OR5AK2: variants seen among roughly 807,000 people sequenced by gnomAD.
OR5AK2 encodes olfactory receptor 5AK2.
For missense variants in OR5AK2, 438 were observed against 366.3 expected, an observed-to-expected ratio of 1.20 and a Z score of -1.60; for synonymous variants, 176 against 128.2, an observed-to-expected ratio of 1.37 and a Z score of -2.52.
chr11:56,989,651 C>T lies in OR5AK2; in HGVS notation c.738C>T (p.Thr246=), dbSNP rs139756815. 21 of 1,613,840 alleles carry T rather than the reference C, an allele frequency of 1.3e-5. No individual in the cohort carries two copies. The highest frequency in any genetic ancestry group is 4.4e-5 in the South Asian group (4 of 91,076). ...TCTCAACATGTGCTTCCCACCTGAC[C>T]GCAGTCACCATTTTCTATGGGACAC... ...KSFSTCASHL[T]AVTIFYGTLS... The change falls in exon 1 of 1, where the codon ACC becomes ACT. Residue 246 remains threonine (T), a synonymous_variant. Transcript: ENST00000326855.
rs758153363 is a variant in OR5AK2 at position 56,989,545 on chromosome 11, G to C, written c.632G>C (p.Gly211Ala). The C allele has an allele frequency of 1.2e-6, 2 of 1,614,048 alleles. No individual in the cohort carries two copies. The highest frequency in any genetic ancestry group is 1.7e-6 in the Non-Finnish European group (2 of 1,179,980). The change falls in exon 1 of 1, where the codon GGG becomes GCG. Residue 211 changes from glycine (G) to alanine (A), a missense_variant. Gly to Ala is a moderately conservative substitution (Grantham distance 60). Coordinates refer to ENST00000326855, the MANE Select transcript of OR5AK2 (RefSeq NM_001005323.1). ...VFVGSNLIFT[G>A]LVVIFSYIYI... ...GTGGGATCTAACTTGATATTCACTG[G>C]GTTGGTCGTCATCTTTTCCTACATC...
At position 56,989,423 on chromosome 11, in the gene OR5AK2, G is replaced by T; in HGVS notation, c.510G>T (p.Lys170Asn). 14 of 1,614,166 alleles carry T rather than the reference G, an allele frequency of 8.7e-6. No individual in the cohort carries two copies. Among genetic ancestry groups the T allele is most frequent in the Non-Finnish European group, 1.2e-5 (14 of 1,180,014 alleles). ...TTACATGTTCACTGTCCTTCTGCAA[G>T]TCCAATAGCATCAATCACTTTTTCT... Reference protein sequence around the residue: ...TGFTCSLSFCKSNSINHFFCD... With the variant: ...TGFTCSLSFCNSNSINHFFCD... Residue 170 changes from lysine (K) to asparagine (N), a missense_variant, in exon 1 of 1, where the codon AAG becomes AAT. By Grantham distance (94) the Lys-to-Asn change is moderately conservative (BLOSUM62 0). Coordinates refer to ENST00000326855, the MANE Select transcript of OR5AK2 (RefSeq NM_001005323.1).
rs1272471863 is a variant in OR5AK2 at position 56,989,107 on chromosome 11, A to G, written c.194A>G (p.His65Arg). Residue 65 changes from histidine (H) to arginine (R), a missense_variant, in exon 1 of 1, where the codon CAT (histidine) becomes CGT (arginine). Coordinates refer to ENST00000326855, the MANE Select transcript of OR5AK2 (RefSeq NM_001005323.1). ...FQTLTYFFLQ[H>R]LAFVDICYTS... The stretch of plus-strand genomic sequence containing the variant: ...ACACTCACGTACTTTTTTCTACAAC[A>G]TTTGGCTTTTGTTGATATCTGTTAC... 1 of 1,613,822 alleles carries G rather than the reference A, an allele frequency of 6.2e-7. No homozygotes were observed. The highest frequency in any genetic ancestry group is 1.3e-5 in the African/African-American group (1 of 74,894).
In OR5AK2 at chr11:56,989,725, T is replaced by A. The variant is rs745474873; in HGVS notation, c.812T>A (p.Met271Lys). The A allele has an allele frequency of 6.8e-6, 11 of 1,613,454 alleles. No homozygotes were observed. The South Asian group carries it at 1.2e-4, about 18-fold the overall frequency. ...CATTCTAATAATTCCCAGGAAAATA[T>A]GAAAGTGGCCTTTATATTTTATGGC... ...QSHSNNSQEN[M>K]KVAFIFYGTV... The change falls in exon 1 of 1, where the codon ATG becomes AAG. Residue 271 changes from methionine to lysine, a missense_variant. Coordinates refer to ENST00000326855, the MANE Select transcript of OR5AK2 (RefSeq NM_001005323.1).
Position 56,989,306 on chromosome 11 carries a change from C to T in OR5AK2, c.393C>T (p.His131=). Residue 131 remains histidine, a synonymous_variant, in exon 1 of 1, where the codon CAC becomes CAT. Coordinates refer to ENST00000326855, the MANE Select transcript of OR5AK2 (RefSeq NM_001005323.1). ...DPYVAICKPL[H]YTVIMSRTVC... ...ATGTTGCCATCTGTAAGCCCCTTCACTATACTGTAATCATGTCCCGAACAG... is the reference window on the plus strand; with the variant it reads ...ATGTTGCCATCTGTAAGCCCCTTCATTATACTGTAATCATGTCCCGAACAG... The T allele has an allele frequency of 6.2e-7, 1 of 1,614,170 alleles. No homozygotes were observed. The highest frequency in any genetic ancestry group is 8.5e-7 in the Non-Finnish European group (1 of 1,180,008).
chr11:56,989,571 T>A lies in OR5AK2; in HGVS notation c.658T>A (p.Tyr220Asn). ...TGLVVIFSYI[Y>N]IMATILKMSS... ...GTTGGTCGTCATCTTTTCCTACATC[T>A]ACATCATGGCCACCATCCTGAAAAT... Residue 220 changes from tyrosine to asparagine, a missense_variant, in exon 1 of 1, where the codon TAC becomes AAC. By Grantham distance (143) the Tyr-to-Asn change is moderately radical. Coordinates refer to ENST00000326855, the MANE Select transcript of OR5AK2 (RefSeq NM_001005323.1). 1 of 1,614,130 alleles carries A rather than the reference T, an allele frequency of 6.2e-7. No homozygotes were observed.
rs766444823 is a variant in OR5AK2, at chr11:56,988,948, T to A, written c.35T>A (p.Phe12Tyr). The A allele has an allele frequency of 1.9e-6, 3 of 1,612,248 alleles. No homozygotes were observed. In the African/African-American group the frequency reaches 4.0e-5, roughly 22 times the overall value. Residue 12 changes from phenylalanine to tyrosine, a missense_variant, in exon 1 of 1, where the codon TTC becomes TAC. Coordinates refer to ENST00000326855, the MANE Select transcript of OR5AK2 (RefSeq NM_001005323.1). ...TLGNSTEVTE[F>Y]YLLGFGAQHE... ...GGAAACAGCACTGAAGTCACTGAATTCTATCTTCTGGGATTTGGTGCCCAG... is the reference window on the plus strand; with the variant it reads ...GGAAACAGCACTGAAGTCACTGAATACTATCTTCTGGGATTTGGTGCCCAG...
rs112918887 is a variant in OR5AK2 at position 56,989,419 on chromosome 11, G to A, written c.506G>A (p.Cys169Tyr). Residue 169 changes from cysteine (C) to tyrosine (Y), a missense_variant, in exon 1 of 1, where the codon TGC becomes TAC. Physicochemically the swap from Cys to Tyr is radical, Grantham distance 194. Transcript: ENST00000326855. ...GGTTTTACATGTTCACTGTCCTTCT[G>A]CAAGTCCAATAGCATCAATCACTTT... ...QTGFTCSLSF[C>Y]KSNSINHFFC... 2.2e-5 allele frequency: 36 copies of A among 1,614,128 alleles called. No individual in the cohort carries two copies. The African/African-American group carries it at 3.7e-4, about 17-fold the overall frequency.
rs891032939 is a variant in OR5AK2 at position 56,989,453 on chromosome 11, T to C, written c.540T>C (p.Asp180=). ...ATAGCATCAATCACTTTTTCTGTGA[T>C]GTTCCCCCTATTCTTGCTCTTTCAT... ...KSNSINHFFC[D]VPPILALSCS... Residue 180 remains aspartate, a synonymous_variant, in exon 1 of 1, where the codon GAT becomes GAC. Transcript: ENST00000326855. 6.2e-7 allele frequency: 1 copy of C among 1,614,062 alleles called. No homozygotes were observed. The highest frequency in any genetic ancestry group is 1.7e-5 in the Admixed American group (1 of 59,998).
rs746623982 is a variant in OR5AK2, at chr11:56,989,086, T to C, written c.173T>C (p.Leu58Pro). Residue 58 changes from leucine (L) to proline (P), a missense_variant, in exon 1 of 1, where the codon CTC (leucine) becomes CCC (proline). Leu to Pro is a moderately conservative substitution (Grantham distance 98). Transcript: ENST00000326855. Reference sequence around the variant, plus strand: ...AACACAGATTCCAGATTTCAAACACTCACGTACTTTTTTCTACAACATTTG... The same window carrying C: ...AACACAGATTCCAGATTTCAAACACCCACGTACTTTTTTCTACAACATTTG... Reference protein sequence around the residue: ...LINTDSRFQTLTYFFLQHLAF... With the variant: ...LINTDSRFQTPTYFFLQHLAF... The C allele has an allele frequency of 1.5e-5, 24 of 1,613,914 alleles. No homozygotes were observed. The East Asian group carries it at 4.5e-4, about 30-fold the overall frequency.
rs751715116 is a variant in OR5AK2 at position 56,989,688 on chromosome 11, T to C, written c.775T>C (p.Tyr259His). ...TIFYGTLSYM[Y>H]LQSHSNNSQE... ...TTTCTATGGGACACTCTCTTACATG[T>C]ATTTGCAGTCTCATTCTAATAATTC... Residue 259 changes from tyrosine (Y) to histidine (H), a missense_variant, in exon 1 of 1, where the codon TAT (tyrosine) becomes CAT (histidine). Coordinates refer to ENST00000326855, the MANE Select transcript of OR5AK2 (RefSeq NM_001005323.1). The C allele has an allele frequency of 1.1e-5, 17 of 1,614,068 alleles. No individual in the cohort carries two copies. The highest frequency in any genetic ancestry group is 1.2e-5 in the Non-Finnish European group (14 of 1,179,922).
chr11:56,989,170 C>A lies in OR5AK2; in HGVS notation c.257C>A (p.Thr86Lys). ...AITPKMLQSF[T>K]EEKNLMLFQG... The stretch of plus-strand genomic sequence containing the variant: ...ACTCCCAAGATGCTCCAAAGCTTCA[C>A]AGAAGAAAAGAATTTGATGTTATTT... The change falls in exon 1 of 1, where the codon ACA becomes AAA. Residue 86 changes from threonine (T) to lysine (K), a missense_variant. Coordinates refer to ENST00000326855, the MANE Select transcript of OR5AK2 (RefSeq NM_001005323.1). The A allele has an allele frequency of 1.9e-6, 3 of 1,614,024 alleles. No homozygotes were observed. The highest frequency in any genetic ancestry group is 8.5e-7 in the Non-Finnish European group (1 of 1,179,908).
In OR5AK2 at chr11:56,989,753, A is replaced by C; in HGVS notation, c.840A>C (p.Thr280=). ...AAGTGGCCTTTATATTTTATGGCAC[A>C]GTTATTCCCATGTTAAATCCTTTAA... ...NMKVAFIFYG[T]VIPMLNPLIY... The change falls in exon 1 of 1, where the codon ACA becomes ACC. Residue 280 remains threonine (T), a synonymous_variant. Transcript: ENST00000326855. 6.2e-7 allele frequency: 1 copy of C among 1,612,342 alleles called. No homozygotes were observed.
At position 56,989,531 on chromosome 11, in the gene OR5AK2, C is replaced by G. The variant is rs764664819; in HGVS notation, c.618C>G (p.Asn206Lys). ...TACTTGTTGTCTTTGTGGGATCTAA[C>G]TTGATATTCACTGGGTTGGTCGTCA... ...IMLLVVFVGSNLIFTGLVVIF... is the reference protein window; with the variant it reads ...IMLLVVFVGSKLIFTGLVVIF... Residue 206 changes from asparagine (N) to lysine (K), a missense_variant, in exon 1 of 1, where the codon AAC (asparagine) becomes AAG (lysine). Coordinates refer to ENST00000326855, the MANE Select transcript of OR5AK2 (RefSeq NM_001005323.1). The G allele has an allele frequency of 4.3e-5, 69 of 1,614,012 alleles. No homozygotes were observed. The highest frequency in any genetic ancestry group is 5.7e-5 in the Non-Finnish European group (67 of 1,179,998).
Position 56,988,958 on chromosome 11 carries a change from G to A in OR5AK2, c.45G>A (p.Leu15=), listed in dbSNP as rs143530068. The change falls in exon 1 of 1, where the codon CTG becomes CTA. Residue 15 remains leucine (L), a synonymous_variant. Transcript: ENST00000326855. The part of the protein sequence containing the change: ...NSTEVTEFYL[L]GFGAQHEFWC... Reference sequence around the variant, plus strand: ...CTGAAGTCACTGAATTCTATCTTCTGGGATTTGGTGCCCAGCATGAGTTTT... The same window carrying A: ...CTGAAGTCACTGAATTCTATCTTCTAGGATTTGGTGCCCAGCATGAGTTTT... 1.2e-6 allele frequency: 2 copies of A among 1,612,916 alleles called. No homozygotes were observed. The highest frequency in any genetic ancestry group is 1.7e-6 in the Non-Finnish European group (2 of 1,179,480).
At position 56,989,806 on chromosome 11, in the gene OR5AK2, A is replaced by G. The variant is rs1279775699; in HGVS notation, c.893A>G (p.Lys298Arg). ...TATAGCTTGAGAAATAAGGAAGTAA[A>G]AGAAGCTTTAAAAGTGATAGGGAAA... ...LIYSLRNKEV[K>R]EALKVIGKKL... The change falls in exon 1 of 1, where the codon AAA (lysine) becomes AGA (arginine). Residue 298 changes from lysine (K) to arginine (R), a missense_variant. Lys to Arg is a conservative substitution (Grantham distance 26). Transcript: ENST00000326855. 2 of 1,602,636 alleles carry G rather than the reference A, an allele frequency of 1.2e-6. No individual in the cohort carries two copies. The highest frequency in any genetic ancestry group is 1.3e-5 in the African/African-American group (1 of 74,334).
Position 56,989,077 on chromosome 11 carries a change from T to G in OR5AK2, c.164T>G (p.Phe55Cys). ...TTACTCATCAACACAGATTCCAGAT[T>G]TCAAACACTCACGTACTTTTTTCTA... ...IILLINTDSR[F>C]QTLTYFFLQH... Residue 55 changes from phenylalanine to cysteine, a missense_variant, in exon 1 of 1, where the codon TTT becomes TGT. Phe to Cys is a radical substitution (Grantham distance 205). Coordinates refer to ENST00000326855, the MANE Select transcript of OR5AK2 (RefSeq NM_001005323.1). 2 of 1,614,102 alleles carry G rather than the reference T, an allele frequency of 1.2e-6. No homozygotes were observed. Among genetic ancestry groups the G allele is most frequent in the Non-Finnish European group, 1.7e-6 (2 of 1,179,952 alleles).
Position 56,989,507 on chromosome 11 carries a change from A to C in OR5AK2, c.594A>C (p.Leu198=). ...SCSNVDINIM[L]LVVFVGSNLI... is the part of the protein sequence containing the mutation. ...CCAATGTTGACATCAACATCATGCT[A>C]CTTGTTGTCTTTGTGGGATCTAACT... Residue 198 remains leucine (L), a synonymous_variant, in exon 1 of 1, where the codon CTA becomes CTC. Transcript: ENST00000326855. 1.2e-6 allele frequency: 2 copies of C among 1,613,984 alleles called. No individual in the cohort carries two copies. Among genetic ancestry groups the C allele is most frequent in the Non-Finnish European group, 1.7e-6 (2 of 1,179,898 alleles).
chr11:56,989,725 T>C lies in OR5AK2; in HGVS notation c.812T>C (p.Met271Thr). The change falls in exon 1 of 1, where the codon ATG becomes ACG. Residue 271 changes from methionine to threonine, a missense_variant. Coordinates refer to ENST00000326855, the MANE Select transcript of OR5AK2 (RefSeq NM_001005323.1). ...CATTCTAATAATTCCCAGGAAAATATGAAAGTGGCCTTTATATTTTATGGC... is the reference window on the plus strand; with the variant it reads ...CATTCTAATAATTCCCAGGAAAATACGAAAGTGGCCTTTATATTTTATGGC... Reference protein sequence around the residue: ...QSHSNNSQENMKVAFIFYGTV... With the variant: ...QSHSNNSQENTKVAFIFYGTV... 1 of 1,613,572 alleles carries C rather than the reference T, an allele frequency of 6.2e-7. No homozygotes were observed. Among genetic ancestry groups the C allele is most frequent in the Non-Finnish European group, 8.5e-7 (1 of 1,179,524 alleles).
Sources: gnomAD v4.1 joint callset for allele counts on GRCh38, gnomAD v4.1.1 for gene constraint, MANE v1.5 for transcripts, NCBI Gene and HGNC (gene_info 2026-07-23, HGNC 2026-07-21) for gene names.